The following AIM2 variants were observed in gnomAD, a reference collection of about 807,000 sequenced individuals.
AIM2 encodes absent in melanoma 2, also known as interferon-inducible protein AIM2.
Under a neutral mutation model 27.7 loss-of-function variants are expected in AIM2, and 30 were observed. The ratio of observed to expected loss-of-function variants is 1.08; its 90% confidence interval spans 0.81 to 1.47. The LOEUF is 1.47. Among genes scored for constraint, AIM2 ranks in the 40% most tolerant of loss-of-function variants. The probability of loss-of-function intolerance (pLI) is 0.00; values close to 1 mark genes in which losing one functional copy is unlikely to be tolerated. For synonymous variants in AIM2, 141 were observed against 145.3 expected (o/e 0.97, Z 0.21); for missense variants, 358 against 411.3 (o/e 0.87, Z 1.12).
At chr1:159,080,636 C>T (rs919351904), upstream of AIM2, among the ~76,000 whole-genome samples, 3 of 152,142 alleles carry the variant, frequency 2.0e-5, no homozygotes, top group Non-Finnish European at 4.4e-5. Context: ...AGGCCTCACC[C>T]CCAGCATTTC....
chr1:159,059,657 G>A (rs1655769165), downstream of AIM2, among the ~76,000 whole-genome samples: 1 of 152,114 alleles, frequency 6.6e-6, no homozygotes, highest in Admixed American at 6.5e-5. Context: ...CCTGGATGAT[G>A]GTGATTTGGA....
At chr1:159,082,126 G>A (rs1557898892) in intron 1 of AIM2, among the ~76,000 whole-genome samples, 1 of 152,138 alleles carries the variant, frequency 6.6e-6, no homozygotes, top group Non-Finnish European at 1.5e-5. Flanking sequence ...CATATCTGAG[G>A]ATTAGGAATA....
chr1:159,115,731 A>G (rs1227770571), intron 1 of AIM2, among the ~76,000 whole-genome samples: 8 of 152,240 alleles, frequency 5.3e-5, no homozygotes, highest in African/African-American at 1.9e-4. Flanking sequence ...TAAAAACCCT[A>G]GAAGAAAACC....
intron 1 of AIM2, 28 bp from the exon 2 acceptor site, chr1:159,073,547 T>C (rs776425940): frequency 1.3e-6 from 2 of 1,569,628 alleles, no homozygotes; most frequent in Non-Finnish European, 1.7e-6. Context: ...CATGTAAGAT[T>C]ACACCACCAA....
chr1:159,121,423 A>G (rs1304686087), intron 1 of AIM2, among the ~76,000 whole-genome samples: 1 of 152,230 alleles, frequency 6.6e-6, no homozygotes, highest in Non-Finnish European at 1.5e-5. Flanking sequence ...ATATAAATGT[A>G]TAAATGGGAA....
At position 159,083,694 on chromosome 1, in the gene AIM2, T is replaced by C. The variant is rs192203904; in HGVS notation, c.-15-17365A>G. 2.6e-3 allele frequency among the ~76,000 whole-genome samples: 397 copies of C among 152,306 alleles called. 1 individual carries two copies. The highest frequency in any genetic ancestry group is 4.0e-3 in the Non-Finnish European group (273 of 68,030). ...TCTATACTATCCTAAGGATCTACAT[T>C]CTACACCATTAATCCAAATATGACC... On this transcript the variant is annotated intron_variant, in intron 1 of 2. Coordinates refer to the AIM2 transcript ENST00000368129.
chr1:159,140,937 T>C (rs1369257645), upstream of AIM2, among the ~76,000 whole-genome samples: 4 of 152,218 alleles, frequency 2.6e-5, no homozygotes, highest in Non-Finnish European at 4.4e-5. Context: ...CATTTAAGTA[T>C]AAAACCTTCG....
At chr1:159,103,276 C>T (rs1657354783) in intron 1 of AIM2, among the ~76,000 whole-genome samples, 4 of 152,230 alleles carry the variant, frequency 2.6e-5, no homozygotes, top group Admixed American at 2.0e-4. Context: ...CCATTCAGAA[C>T]TGTGAGTCAA....
rs571427867 is a variant in AIM2, at chr1:159,092,694, C to A, written c.-15-26365G>T. On this transcript the variant is annotated intron_variant, in intron 1 of 2. Coordinates refer to the AIM2 transcript ENST00000368129. ...CAGAGGAAAGAGGATAGGTTACTTG[C>A]CTGAGGTTACAAAGGTGTAAGTAGA... Among the ~76,000 whole-genome samples the A allele has an allele frequency of 2.0e-5, 3 of 152,156 alleles. No individual in the cohort carries two copies. In the South Asian group the frequency reaches 6.2e-4, roughly 32 times the overall value.
At chr1:159,074,613 TATAA>T (rs1656515431) in intron 1 of AIM2, among the ~76,000 whole-genome samples, 1 of 152,108 alleles carries the variant, frequency 6.6e-6, no homozygotes, top group South Asian at 2.1e-4. Flanking sequence ...CACAAAACAT[TATAA>T]ATAATAATTC....
downstream of AIM2, among the ~76,000 whole-genome samples, chr1:159,059,023 C>T (rs1655745931): frequency 6.6e-6 from 1 of 152,180 alleles, no homozygotes; most frequent in South Asian, 2.1e-4. Flanking sequence ...TGGAGTTTCT[C>T]TGGGGACCCC....
At chr1:159,137,487 T>C (rs1413279102) in intron 1 of AIM2, among the ~76,000 whole-genome samples, 1 of 152,070 alleles carries the variant, frequency 6.6e-6, no homozygotes, top group Non-Finnish European at 1.5e-5. Context: ...TGAAACCCCA[T>C]CTCTACTAAA....
chr1:159,138,166 C>T (rs773822948), intron 1 of AIM2, among the ~76,000 whole-genome samples: 9 of 152,142 alleles, frequency 5.9e-5, no homozygotes, highest in Non-Finnish European at 1.3e-4. Flanking sequence ...CCTAACAAGG[C>T]AGAGTTGGAT....
Position 159,062,679 on chromosome 1 carries a change from C to A in AIM2, c.*13G>T. The A allele has an allele frequency of 1.2e-6, 2 of 1,613,122 alleles. No individual in the cohort carries two copies. Among genetic ancestry groups the A allele is most frequent in the South Asian group, 1.1e-5 (1 of 90,922 alleles). ...CTTAGACCAGTTGGCTTGAATTGGT[C>A]CTTTTTACTTCTCTATGTTTTTTTT... On this transcript the variant is annotated 3_prime_UTR_variant, in exon 6 of 6. Transcript: ENST00000368130.
In AIM2 at chr1:159,066,047, C is replaced by T. The variant is rs373307771; in HGVS notation, c.679G>A (p.Val227Met). Residue 227 changes from valine to methionine, a missense_variant, in exon 4 of 6, where the codon GTG becomes ATG. By Grantham distance (21) the Val-to-Met change is conservative. Transcript: ENST00000368130. ...GFLEVNSASR[V>M]LDAESDQKVN... is the part of the protein sequence containing the mutation. ...TTTTGGTCAGATTCAGCATCTAACA[C>T]ACGTGAGGCGCTATTTACCTCTAAG... The T allele has an allele frequency of 5.6e-6, 9 of 1,614,070 alleles. No individual in the cohort carries two copies. The African/African-American group carries it at 8.0e-5, about 14-fold the overall frequency.
the AIM2 span, among the ~76,000 whole-genome samples, chr1:159,057,233 G>A: frequency 6.6e-6 from 1 of 152,116 alleles, no homozygotes; most frequent in African/African-American, 2.4e-5. Flanking sequence ...CTCCCCTGCT[G>A]TCAATAGCCT....
chr1:159,102,447 GA>G (rs1290867543), intron 1 of AIM2, among the ~76,000 whole-genome samples: 3 of 152,246 alleles, frequency 2.0e-5, no homozygotes, highest in African/African-American at 7.2e-5. Context: ...CTGGCTAGTG[GA>G]GCTGTGAGAA....
chr1:159,134,376 T>C (rs1162279591), intron 1 of AIM2, among the ~76,000 whole-genome samples: 1 of 152,214 alleles, frequency 6.6e-6, no homozygotes, highest in Non-Finnish European at 1.5e-5. Flanking sequence ...TCCAATCATG[T>C]TATTCTTTGG....
chr1:159,060,433 TACAA>T (rs1388506564), downstream of AIM2, among the ~76,000 whole-genome samples: 4 of 152,230 alleles, frequency 2.6e-5, no homozygotes, highest in African/African-American at 4.8e-5. Flanking sequence ...TGGCATAATC[TACAA>T]ACAATCATAC....
Sources: gnomAD v4.1 joint callset for allele counts (sites outside exome capture counted in the v4.1 genomes callset) on GRCh38, gnomAD v4.1.1 for gene constraint, MANE v1.5 for transcripts, NCBI Gene and HGNC (gene_info 2026-07-23, HGNC 2026-07-21) for gene names.